SEC23B: variants seen among roughly 807,000 people sequenced by gnomAD.
SEC23B encodes protein transport protein Sec23B.
A neutral mutation model predicts 104.3 loss-of-function variants in SEC23B; 77 were observed. The observed-to-expected ratio is 0.74, with a 90% CI of 0.61 to 0.89. The LOEUF is 0.89. SEC23B is among the 40% of genes least tolerant of loss of function. SEC23B has a pLI of 0.00. For synonymous variants in SEC23B, 338 were observed against 332.5 expected (o/e 1.02, Z -0.18); for missense variants, 885 against 949.4 (o/e 0.93, Z 0.89).
In SEC23B at chr20:18,535,177, G is replaced by A. The variant is rs539306375; in HGVS notation, c.1315-476G>A. ...ATTTCAGCGTTATATACCATGTAGA[G>A]ACACCCCCTGACACACCCACCCCCC... is the stretch of plus-strand genomic sequence containing the variant. On this transcript the variant is annotated intron_variant, in intron 11 of 19. Transcript: ENST00000650089. Among the ~76,000 whole-genome samples the A allele has an allele frequency of 2.0e-5, 3 of 151,704 alleles. No individual in the cohort carries two copies. In the South Asian group the frequency reaches 6.3e-4, roughly 32 times the overall value.
chr20:18,537,878 G>A (rs1176779890), intron 12 of SEC23B, among the ~76,000 whole-genome samples: 1 of 152,012 alleles, frequency 6.6e-6, no homozygotes, highest in East Asian at 1.9e-4. Context: ...GATGTTGTTG[G>A]CTGCTGACTG....
chr20:18,524,824 G>A, intron 5 of SEC23B, 111 bp from the exon 6 acceptor site: 1 of 1,286,550 alleles, frequency 7.8e-7, no homozygotes, highest in East Asian at 2.4e-5. Context: ...TCATGAGTAG[G>A]TGGGACTAGA....
intron 2 of SEC23B, 44 bp downstream of exon 2, chr20:18,511,100 A>G (rs1568596267): frequency 1.4e-6 from 2 of 1,453,752 alleles, no homozygotes; most frequent in Admixed American, 1.7e-5. Context: ...AATACAATAT[A>G]TTATGAATTT....
chr20:18,540,493 G>A lies in SEC23B; in HGVS notation c.1405-1803G>A, dbSNP rs143580862. ...GTTCCTTTTGTAGAGCACAGGAAGC[G>A]TAGATTGAGCACAATTCTTAAGAGT... On this transcript the variant is annotated intron_variant, in intron 12 of 19. Transcript: ENST00000650089. Among the ~76,000 whole-genome samples the A allele has an allele frequency of 9.3e-4, 142 of 152,294 alleles. 1 individual carries two copies. The highest frequency in any genetic ancestry group is 1.2e-3 in the East Asian group (6 of 5,186).
chr20:18,544,140 A>G (rs1442489870), intron 14 of SEC23B, among the ~76,000 whole-genome samples: 2 of 152,268 alleles, frequency 1.3e-5, no homozygotes, highest in Non-Finnish European at 2.9e-5. Flanking sequence ...GTTTGGAGCC[A>G]GCACAAGGCA....
At chr20:18,543,399 G>A (rs2060306680) in intron 14 of SEC23B, among the ~76,000 whole-genome samples, 1 of 152,184 alleles carries the variant, frequency 6.6e-6, no homozygotes, top group African/African-American at 2.4e-5. Context: ...CATTTGGAGA[G>A]TGATACAAAT....
chr20:18,541,572 A>C (rs2060288214), intron 12 of SEC23B, among the ~76,000 whole-genome samples: 1 of 152,236 alleles, frequency 6.6e-6, no homozygotes, highest in Non-Finnish European at 1.5e-5. Flanking sequence ...TATCTCAGGA[A>C]ATAGGGGAGG....
At chr20:18,555,314 GAGGGAA>G in intron 19 of SEC23B, 141 bp downstream of exon 19, 6 of 724,656 alleles carry the variant, frequency 8.3e-6, no homozygotes, top group Non-Finnish European at 1.4e-5. Flanking sequence ...GAGTGGCGGG[GAGGGAA>G]ACAAGTTGAA....
chr20:18,545,463 CT>C (rs1051095385), intron 14 of SEC23B, among the ~76,000 whole-genome samples: 15 of 152,254 alleles, frequency 9.9e-5, no homozygotes, highest in African/African-American at 3.6e-4. Flanking sequence ...AATGGGGTTT[CT>C]TTAAATGATG....
At position 18,546,023 on chromosome 20, in the gene SEC23B, T is replaced by C; in HGVS notation, c.1733T>C (p.Leu578Pro). ...TTTAGGTTATCAGATTCCTTTTCTC[T>C]ATATCCTCAGGTAAGTAATGTATGT... Reference protein sequence around the residue: ...TSFRLSDSFSLYPQFMFHLRR... With the variant: ...TSFRLSDSFSPYPQFMFHLRR... The change falls in exon 15 of 20, where the codon CTA (leucine) becomes CCA (proline). Residue 578 changes from leucine (L) to proline (P), a missense_variant. Physicochemically the swap from Leu to Pro is moderately conservative, Grantham distance 98. Transcript: ENST00000650089. The C allele has an allele frequency of 6.5e-7, 1 of 1,527,004 alleles. No homozygotes were observed. Among genetic ancestry groups the C allele is most frequent in the Non-Finnish European group, 9.1e-7 (1 of 1,100,528 alleles). 94.6% of individuals were successfully genotyped at this position (1,527,004 alleles called of 1,614,324 possible).
rs2060074654 is a variant in SEC23B at position 18,520,685 on chromosome 20, C to G, written c.367-3748C>G. Among the ~76,000 whole-genome samples, 3 of 152,076 alleles carry G rather than the reference C, an allele frequency of 2.0e-5. No individual in the cohort carries two copies. In the South Asian group the frequency reaches 6.2e-4, roughly 32 times the overall value. On this transcript the variant is annotated intron_variant, in intron 4 of 19. Coordinates refer to ENST00000650089, the MANE Select transcript of SEC23B (RefSeq NM_006363.6). ...GGTTTAGCAGCCTGGCCGTCAATAC[C>G]CACAACGGTTATGGAGGCAAGGGAA...
At chr20:18,556,081 C>T (rs1008388430) in intron 19 of SEC23B, among the ~76,000 whole-genome samples, 1 of 151,942 alleles carries the variant, frequency 6.6e-6, no homozygotes, top group African/African-American at 2.4e-5. Context: ...GTTTGCACTC[C>T]TATTAGAATC....
At chr20:18,538,017 C>T (rs186413370) in intron 12 of SEC23B, among the ~76,000 whole-genome samples, 131 of 152,170 alleles carry the variant, frequency 8.6e-4, no homozygotes, top group African/African-American at 3.1e-3. Flanking sequence ...GGTCTTGGCT[C>T]ACTGCAACCT....
At chr20:18,523,066 CA>C (rs1347714970) in intron 4 of SEC23B, among the ~76,000 whole-genome samples, 43 of 81,196 alleles carry the variant, frequency 5.3e-4, no homozygotes, top group Non-Finnish European at 1.1e-3. Flanking sequence ...GACTCCGTCT[CA>C]AAAAAAAAAG....
rs1294618817 is a variant in SEC23B, at chr20:18,525,854, C to A, written c.756C>A (p.Asp252Glu). Residue 252 changes from aspartate to glutamate, a missense_variant, in exon 7 of 20, where the codon GAC becomes GAA. Transcript: ENST00000650089. The part of the protein sequence containing the change: ...LTDLLGELQR[D>E]PWPVTQGKRP... ...ATCTTCTTGGGGAGCTACAGAGGGA[C>A]CCATGGCCAGTAACTCAGGGGAAGA... 6.2e-7 allele frequency: 1 copy of A among 1,614,098 alleles called. No individual in the cohort carries two copies. The highest frequency in any genetic ancestry group is 8.5e-7 in the Non-Finnish European group (1 of 1,179,978).
At chr20:18,526,279 A>G in intron 7 of SEC23B, 94 bp from the exon 8 acceptor site, 2 of 1,377,688 alleles carry the variant, frequency 1.5e-6, no homozygotes, top group Non-Finnish European at 2.1e-6. Flanking sequence ...ACAGCTGGAG[A>G]GAATGCATCT....
intron 15 of SEC23B, 132 bp downstream of exon 15, chr20:18,546,165 C>T: frequency 1.5e-6 from 1 of 667,170 alleles, no homozygotes; most frequent in Non-Finnish European, 2.7e-6. Context: ...ATTGTTCAAC[C>T]CAAGTCGAAT....
At chr20:18,534,216 T>C (rs949737206) in intron 11 of SEC23B, among the ~76,000 whole-genome samples, 8 of 152,230 alleles carry the variant, frequency 5.3e-5, no homozygotes, top group African/African-American at 1.9e-4. Flanking sequence ...CTTAAGCACG[T>C]CAGTATGCAT....
chr20:18,546,116 CTT>C (rs1417557602), intron 15 of SEC23B, 83 bp downstream of exon 15: 2 of 848,944 alleles, frequency 2.4e-6, no homozygotes, highest in Non-Finnish European at 2.0e-6. Context: ...AAAGTGAAGA[CTT>C]TTTAATGTGT....
Sources: gnomAD v4.1 joint callset for allele counts (sites outside exome capture counted in the v4.1 genomes callset) on GRCh38, gnomAD v4.1.1 for gene constraint, MANE v1.5 for transcripts, NCBI Gene and HGNC (gene_info 2026-07-23, HGNC 2026-07-21) for gene names.